The following OPCML variants were observed in gnomAD, a reference collection of about 807,000 sequenced individuals.
OPCML encodes the protein opioid-binding protein/cell adhesion molecule.
A neutral mutation model predicts 37.8 loss-of-function variants in OPCML; 13 were observed. The observed-to-expected ratio is 0.34, with a 90% CI of 0.22 to 0.55. The LOEUF (loss-of-function observed/expected upper bound fraction) is 0.55, where lower values mean the gene tolerates loss of function less well. Among genes scored for constraint, OPCML ranks in the 20% least tolerant of loss-of-function variants. The pLI is 0.91. For synonymous variants in OPCML, 176 were observed against 168.8 expected (o/e 1.04, Z -0.33); for missense variants, 341 against 435.6 (o/e 0.78, Z 1.93).
At chr11:132,621,097 G>C (rs776953419) in intron 3 of OPCML, among the ~76,000 whole-genome samples, 1 of 152,244 alleles carries the variant, frequency 6.6e-6, no homozygotes, top group African/African-American at 2.4e-5. Flanking sequence ...AATGTGGTTA[G>C]CTTGTAAATT....
chr11:133,372,055 A>G (rs1944687093), intron 1 of OPCML, among the ~76,000 whole-genome samples: 1 of 152,178 alleles, frequency 6.6e-6, no homozygotes, highest in African/African-American at 2.4e-5. Flanking sequence ...AGGTTGATTG[A>G]TGGGTACAAA....
At chr11:132,670,183 G>A (rs1181629726) in intron 2 of OPCML, among the ~76,000 whole-genome samples, 1 of 152,120 alleles carries the variant, frequency 6.6e-6, no homozygotes. Context: ...TATCATCCAT[G>A]GAAAAGTATA....
chr11:133,487,113 T>G (rs1203534685), intron 1 of OPCML, among the ~76,000 whole-genome samples: 1 of 152,180 alleles, frequency 6.6e-6, no homozygotes, highest in Non-Finnish European at 1.5e-5. Flanking sequence ...ACATAATCTA[T>G]TCTTGTAAGG....
At chr11:133,216,302 A>G (rs1700711721) in intron 1 of OPCML, among the ~76,000 whole-genome samples, 1 of 152,228 alleles carries the variant, frequency 6.6e-6, no homozygotes, top group South Asian at 2.1e-4. Flanking sequence ...TCCTCCTCTG[A>G]ATCACCCAGT....
At chr11:132,952,639 G>T (rs1945885271) in intron 1 of OPCML, among the ~76,000 whole-genome samples, 1 of 152,154 alleles carries the variant, frequency 6.6e-6, no homozygotes. Context: ...ACTGATGGAA[G>T]GAACCAACAT....
intron 2 of OPCML, among the ~76,000 whole-genome samples, chr11:132,913,855 A>G (rs1156632434): frequency 2.0e-5 from 3 of 152,194 alleles, no homozygotes; most frequent in African/African-American, 7.2e-5. Context: ...TCTCAGCTCC[A>G]CAAGAGAAGG....
At chr11:133,018,845 T>C (rs1361489352) in intron 1 of OPCML, among the ~76,000 whole-genome samples, 2 of 152,198 alleles carry the variant, frequency 1.3e-5, no homozygotes, top group African/African-American at 4.8e-5. Context: ...CTGATGCGGC[T>C]TCACCAGGGT....
At chr11:132,987,416 G>A (rs1036704800) in intron 1 of OPCML, among the ~76,000 whole-genome samples, 1 of 152,150 alleles carries the variant, frequency 6.6e-6, no homozygotes, top group African/African-American at 2.4e-5. Context: ...CCGTGTGGCT[G>A]CAATATGAAA....
At chr11:132,530,957 A>G (rs1240832090) in intron 3 of OPCML, among the ~76,000 whole-genome samples, 1 of 151,892 alleles carries the variant, frequency 6.6e-6, no homozygotes, top group East Asian at 1.9e-4. Flanking sequence ...ATTTGCCCTG[A>G]CCTCTCCCCA....
At chr11:132,465,179 C>T (rs2096115811) in intron 4 of OPCML, among the ~76,000 whole-genome samples, 1 of 152,128 alleles carries the variant, frequency 6.6e-6, no homozygotes, top group African/African-American at 2.4e-5. Context: ...TCTATTAGCA[C>T]ATTGCCATGA....
At chr11:132,835,018 G>A (rs1445160867) in intron 2 of OPCML, among the ~76,000 whole-genome samples, 1 of 151,690 alleles carries the variant, frequency 6.6e-6, no homozygotes, top group Non-Finnish European at 1.5e-5. Context: ...GGAAAGGAGG[G>A]GGACCACCAG....
At chr11:132,498,987 C>A (rs533560676) in intron 4 of OPCML, among the ~76,000 whole-genome samples, 4 of 152,208 alleles carry the variant, frequency 2.6e-5, no homozygotes, top group Admixed American at 2.0e-4. Context: ...TATGGAGATA[C>A]TATTTTAGGC....
Position 132,419,557 on chromosome 11 carries a change from T to A in OPCML, c.*636A>T, listed in dbSNP as rs2095950233. 2 of 152,184 alleles carry A rather than the reference T, an allele frequency of 1.3e-5. No individual in the cohort carries two copies. Among genetic ancestry groups the A allele is most frequent in the Non-Finnish European group, 2.9e-5 (2 of 68,042 alleles). 9.4% of individuals were successfully genotyped at this position (152,184 alleles called of 1,614,324 possible). On this transcript the variant is annotated 3_prime_UTR_variant, in exon 8 of 8. Transcript: ENST00000524381. ...TGCATAGCCCCAAACTTCAAATCTC[T>A]GCAGATGGTGGAAGGAATGAGTAGA...
chr11:133,263,348 C>G (rs1346131398), intron 1 of OPCML, among the ~76,000 whole-genome samples: 2 of 152,038 alleles, frequency 1.3e-5, no homozygotes, highest in Non-Finnish European at 1.5e-5. Flanking sequence ...GTATTTTTAC[C>G]TTTCCTATGT....
intron 4 of OPCML, among the ~76,000 whole-genome samples, chr11:132,488,961 C>T (rs1299279815): frequency 6.6e-6 from 1 of 152,166 alleles, no homozygotes; most frequent in Non-Finnish European, 1.5e-5. Flanking sequence ...AGGGTGGCTC[C>T]AGGACAGCCA....
At position 132,758,204 on chromosome 11, in the gene OPCML, T is replaced by C. The variant is rs542235492; in HGVS notation, c.147-100885A>G. Among the ~76,000 whole-genome samples, 5 of 152,340 alleles carry C rather than the reference T, an allele frequency of 3.3e-5. No individual in the cohort carries two copies. The East Asian group carries it at 9.6e-4, about 29-fold the overall frequency. On this transcript the variant is annotated intron_variant, in intron 2 of 7. Transcript: ENST00000524381. ...CAGTACCATGCTATTTTGGTTACTG[T>C]AGCCTTCTAGTATAGTTTGAAGTCA...
At chr11:133,412,809 TC>T (rs1300679988) in intron 1 of OPCML, among the ~76,000 whole-genome samples, 1 of 152,180 alleles carries the variant, frequency 6.6e-6, no homozygotes, top group African/African-American at 2.4e-5. Flanking sequence ...CTGAGAAGTC[TC>T]TTTTTTGAGT....
intron 1 of OPCML, among the ~76,000 whole-genome samples, chr11:133,223,678 A>T (rs192273800): frequency 6.0e-4 from 92 of 152,312 alleles, no homozygotes; most frequent in Non-Finnish European, 1.2e-3. Context: ...ATGAAGTACA[A>T]GTTTTCCTGT....
intron 1 of OPCML, among the ~76,000 whole-genome samples, chr11:133,097,937 A>G (rs1406815105): frequency 6.6e-6 from 1 of 152,224 alleles, no homozygotes; most frequent in Non-Finnish European, 1.5e-5. Context: ...CTACATTTTT[A>G]AGGAAGAAAT....
Sources: gnomAD v4.1 joint callset for allele counts (sites outside exome capture counted in the v4.1 genomes callset) on GRCh38, gnomAD v4.1.1 for gene constraint, MANE v1.5 for transcripts, NCBI Gene and HGNC (gene_info 2026-07-23, HGNC 2026-07-21) for gene names.